The following KCNH2 variants were observed in gnomAD, a reference collection of about 807,000 sequenced individuals.
The protein encoded by KCNH2 is voltage-gated inwardly rectifying potassium channel KCNH2.
Under a neutral mutation model 95.9 loss-of-function variants are expected in KCNH2, and 35 were observed. The ratio of observed to expected loss-of-function variants is 0.37; its 90% CI spans 0.28 to 0.48. KCNH2 has a LOEUF of 0.48. KCNH2 is among the 20% of genes least tolerant of loss of function. The probability of loss-of-function intolerance (pLI) is 0.99; values close to 1 mark genes in which losing one functional copy is unlikely to be tolerated. For synonymous variants in KCNH2, 786 were observed against 754.7 expected (o/e 1.04, Z -0.68); for missense variants, 1,274 against 1,702.9 (o/e 0.75, Z 4.43).
intron 1 of KCNH2, among the ~76,000 whole-genome samples, chr7:150,977,361 T>G (rs1380675379): frequency 6.6e-6 from 1 of 152,036 alleles, no homozygotes; most frequent in Non-Finnish European, 1.5e-5. Flanking sequence ...CAAGAAGAGA[T>G]TATGAGCTGA....
At chr7:150,969,788 G>A (rs916981587) in intron 2 of KCNH2, among the ~76,000 whole-genome samples, 6 of 152,194 alleles carry the variant, frequency 3.9e-5, no homozygotes, top group Non-Finnish European at 8.8e-5. Context: ...TGCAGGAGGC[G>A]GAGGACCAAG....
intron 10 of KCNH2, 142 bp downstream of exon 10, chr7:150,948,714 C>G: frequency 2.8e-6 from 3 of 1,081,368 alleles, no homozygotes; most frequent in South Asian, 1.3e-5. Flanking sequence ...GAGTTTGGGA[C>G]TTTTGTAGGC....
At position 150,946,819 on chromosome 7, in the gene KCNH2, G is replaced by A; in HGVS notation, c.3330+58C>T. 2.0e-6 allele frequency: 3 copies of A among 1,503,368 alleles called. No homozygotes were observed. Among genetic ancestry groups the A allele is most frequent in the Non-Finnish European group, 2.7e-6 (3 of 1,097,000 alleles). 93.1% of individuals were successfully genotyped at this position (1,503,368 alleles called of 1,614,324 possible). A position where few individuals can be genotyped will look rare whatever the true frequency, so the allele number is the denominator to read the frequency against. ...CAGAAAGGCAGCAAAGCAGGTTTGGGCTGGAATCGGGGAACAAGCGGGTCA... is the reference window on the plus strand; with the variant it reads ...CAGAAAGGCAGCAAAGCAGGTTTGGACTGGAATCGGGGAACAAGCGGGTCA... On this transcript the variant is annotated intron_variant, in intron 14 of 14. Coordinates refer to ENST00000262186, the MANE Select transcript of KCNH2 (RefSeq NM_000238.4). This position sits in a 1 kb window ranked among gnomAD's most constrained non-coding sequence, Gnocchi z 6.5.
chr7:150,951,423 G>A (rs377215925), intron 7 of KCNH2, 25 bp downstream of exon 7: 107 of 1,612,704 alleles, frequency 6.6e-5, no homozygotes, highest in Admixed American at 4.2e-4. Flanking sequence ...GGCTCTCCCC[G>A]CCGCCCGCCC....
chr7:150,951,175 C>T, intron 7 of KCNH2, 55 bp from the exon 8 acceptor site: 1 of 1,458,282 alleles, frequency 6.9e-7, no homozygotes, highest in South Asian at 1.2e-5. Context: ...CACCCACCCA[C>T]AGGGACCCTG....
At chr7:150,963,136 C>T (rs1801611770) in intron 2 of KCNH2, among the ~76,000 whole-genome samples, 1 of 152,220 alleles carries the variant, frequency 6.6e-6, no homozygotes, top group Non-Finnish European at 1.5e-5. Context: ...GCTGCAGTTC[C>T]GCTGAGAGCC....
chr7:150,957,602 G>C, intron 4 of KCNH2, 100 bp from the exon 5 acceptor site: 2 of 847,130 alleles, frequency 2.4e-6, no homozygotes, highest in Non-Finnish European at 3.9e-6. Flanking sequence ...GCACAGTCAG[G>C]AGTCCATGGG....
chr7:150,960,966 A>G (rs564747708), intron 2 of KCNH2, among the ~76,000 whole-genome samples: 5 of 152,070 alleles, frequency 3.3e-5, no homozygotes, highest in Admixed American at 3.3e-4. Context: ...GCCCACAGGA[A>G]GTCCTTAATG....
chr7:150,945,915 A>G lies in KCNH2; in HGVS notation c.3331-401T>C, dbSNP rs1800871319. Among the ~76,000 whole-genome samples the G allele has an allele frequency of 6.6e-6, 1 of 152,064 alleles. No individual in the cohort carries two copies. Among genetic ancestry groups the G allele is most frequent in the Non-Finnish European group, 1.5e-5 (1 of 68,024 alleles). ...GATTCCTTCCCGCAATCCAGAAAGAACTCGGGGACCTAGAAACAGAGGCAG... is the reference window on the plus strand; with the variant it reads ...GATTCCTTCCCGCAATCCAGAAAGAGCTCGGGGACCTAGAAACAGAGGCAG... On this transcript the variant is annotated intron_variant, in intron 14 of 14. Coordinates refer to ENST00000262186, the MANE Select transcript of KCNH2 (RefSeq NM_000238.4). The surrounding 1 kb of genome is among the most constrained non-coding windows in gnomAD (Gnocchi z 5.6).
At chr7:150,947,959 G>C (rs1168098884) in intron 11 of KCNH2, 81 bp from the exon 12 acceptor site, 21 of 1,431,920 alleles carry the variant, frequency 1.5e-5, no homozygotes, top group Non-Finnish European at 1.9e-5. Flanking sequence ...GGACAGGAGC[G>C]AGCCCGAGAG....
chr7:150,977,744 C>A (rs1415630320), intron 1 of KCNH2, 94 bp downstream of exon 1: 9 of 1,104,174 alleles, frequency 8.2e-6, no homozygotes, highest in Non-Finnish European at 1.2e-5. Context: ...CACTTGCCGA[C>A]GCACACGGCC....
chr7:150,977,645 T>C (rs911309171), intron 1 of KCNH2, among the ~76,000 whole-genome samples, 193 bp downstream of exon 1: 3 of 151,670 alleles, frequency 2.0e-5, no homozygotes, highest in Non-Finnish European at 4.4e-5. Context: ...CCAAACCCTT[T>C]GGCCCGGTGC....
At chr7:150,963,959 G>C (rs1455335079) in intron 2 of KCNH2, among the ~76,000 whole-genome samples, 1 of 152,182 alleles carries the variant, frequency 6.6e-6, no homozygotes. Flanking sequence ...CTTTCATTTG[G>C]TGCCAATCCA....
rs1453562565 is a variant in KCNH2 at position 150,955,913 on chromosome 7, C to T, written c.1128+1378G>A. 5.5e-6 allele frequency: 5 copies of T among 912,750 alleles called. No homozygotes were observed. In the African/African-American group the frequency reaches 7.2e-5, roughly 13 times the overall value. 56.5% of individuals were successfully genotyped at this position (912,750 alleles called of 1,614,324 possible). On this transcript the variant is annotated intron_variant, in intron 5 of 14. Coordinates refer to ENST00000262186, the MANE Select transcript of KCNH2 (RefSeq NM_000238.4). ...GTGCCCAGCCAGCGGCCCCCTCCCC[C>T]GCAGCCCGCCCAGGCTCCTGCAGCG...
intron 11 of KCNH2, 28 bp downstream of exon 11, chr7:150,948,416 T>TCCCCCCCCCCCCCCCCCC: frequency 3.7e-5 from 15 of 402,842 alleles, no homozygotes; most frequent in Non-Finnish European, 5.0e-5. Flanking sequence ...GTCCCCGCCC[T>TCCCCCCCCCCCCCCCCCC]CCCCCTTCCT....
At chr7:150,959,224 T>G (rs748301960) in intron 3 of KCNH2, among the ~76,000 whole-genome samples, 1 of 152,118 alleles carries the variant, frequency 6.6e-6, no homozygotes, top group African/African-American at 2.4e-5. Flanking sequence ...TGCTCCCAGG[T>G]GGTCATGTTC....
chr7:150,957,238 C>T, intron 5 of KCNH2, 53 bp downstream of exon 5: 1 of 1,451,358 alleles, frequency 6.9e-7, no homozygotes, highest in Non-Finnish European at 9.5e-7. Flanking sequence ...CACTCCCACC[C>T]CCTCTCCAAG....
chr7:150,959,363 T>C (rs1226025748), intron 3 of KCNH2, among the ~76,000 whole-genome samples: 1 of 152,180 alleles, frequency 6.6e-6, no homozygotes, highest in African/African-American at 2.4e-5. Context: ...TTCTGGGCCC[T>C]GTCATTCCAC....
chr7:150,974,888 A>G lies in KCNH2; in HGVS notation c.130T>C (p.Cys44Arg). The G allele has an allele frequency of 6.2e-7, 1 of 1,611,998 alleles. No individual in the cohort carries two copies. The highest frequency in any genetic ancestry group is 8.5e-7 in the Non-Finnish European group (1 of 1,179,348). The change falls in exon 2 of 15, where the codon TGC becomes CGC. Residue 44 changes from cysteine to arginine, a missense_variant. By Grantham distance (180) the Cys-to-Arg change is radical (BLOSUM62 -3). Transcript: ENST00000262186. Reference protein sequence around the residue: ...ARVENCAVIYCNDGFCELCGY... With the variant: ...ARVENCAVIYRNDGFCELCGY... ...CACAGCTCGCAGAAGCCGTCGTTGC[A>G]GTAGATGACGGCGCAGTTCTCCACC...
Sources: allele counts gnomAD v4.1 joint callset (sites outside exome capture counted in the v4.1 genomes callset), GRCh38; gene constraint gnomAD v4.1.1; non-coding constraint Gnocchi (gnomAD v3.1); transcripts MANE v1.5; gene names NCBI Gene and HGNC (gene_info 2026-07-23, HGNC 2026-07-21).